MROH9: variants seen among roughly 807,000 people sequenced by gnomAD.
MROH9 encodes maestro heat-like repeat-containing protein family member 9.
In MROH9, 92 loss-of-function variants were observed where a neutral mutation model predicts 98.2. The ratio of observed to expected loss-of-function variants is 0.94; its 90% CI spans 0.79 to 1.11. The LOEUF (loss-of-function observed/expected upper bound fraction) is 1.11, where lower values mean the gene tolerates loss of function less well. Ranked by LOEUF, MROH9 falls within the 50% of genes most tolerant of loss-of-function variation. The pLI is 0.00. For synonymous variants in MROH9, 397 were observed against 368.9 expected (o/e 1.08, Z -0.87); for missense variants, 1,057 against 1,014.8 (o/e 1.04, Z -0.57).
chr1:170,968,483 C>T (rs766722579), intron 7 of MROH9, among the ~76,000 whole-genome samples: 4 of 152,134 alleles, frequency 2.6e-5, no homozygotes, highest in Non-Finnish European at 4.4e-5. Context: ...CATCAAGAGG[C>T]ATTACATCCT....
chr1:171,008,274 A>T (rs1394684276), intron 15 of MROH9, among the ~76,000 whole-genome samples: 2 of 152,176 alleles, frequency 1.3e-5, no homozygotes, highest in African/African-American at 4.8e-5. Flanking sequence ...ATAATATATA[A>T]TGGTCACAGA....
At chr1:170,952,036 A>G (rs1280478655) in intron 3 of MROH9, among the ~76,000 whole-genome samples, 1 of 152,116 alleles carries the variant, frequency 6.6e-6, no homozygotes, top group East Asian at 1.9e-4. Flanking sequence ...AATGCAAATC[A>G]AAACCATAAT....
intron 20 of MROH9, among the ~76,000 whole-genome samples, chr1:171,061,501 C>T (rs565007534): frequency 2.0e-5 from 3 of 152,208 alleles, no homozygotes; most frequent in African/African-American, 7.2e-5. Context: ...ATGATGCATT[C>T]GTAAGATGTA....
chr1:170,979,757 C>T (rs1186658003), intron 8 of MROH9, among the ~76,000 whole-genome samples: 1 of 152,042 alleles, frequency 6.6e-6, no homozygotes, highest in African/African-American at 2.4e-5. Context: ...ATTCAAAGTT[C>T]ATAAAGGACA....
chr1:171,005,496 G>A (rs1004211884), intron 15 of MROH9, among the ~76,000 whole-genome samples: 7 of 152,094 alleles, frequency 4.6e-5, no homozygotes, highest in Non-Finnish European at 1.5e-5. Flanking sequence ...CTGTAACGTT[G>A]TTGGTTAAAT....
chr1:171,053,408 G>A (rs556202283), intron 20 of MROH9, among the ~76,000 whole-genome samples: 1 of 152,274 alleles, frequency 6.6e-6, no homozygotes, highest in African/African-American at 2.4e-5. Flanking sequence ...CCCTCACAAT[G>A]AACAAAGCCT....
chr1:171,042,516 G>C (rs1344892497), intron 20 of MROH9, among the ~76,000 whole-genome samples: 1 of 152,122 alleles, frequency 6.6e-6, no homozygotes, highest in Non-Finnish European at 1.5e-5. Context: ...CAGTGGAATT[G>C]CTGGATTATA....
chr1:171,031,946 C>T (rs954030932), intron 20 of MROH9, among the ~76,000 whole-genome samples: 2 of 151,954 alleles, frequency 1.3e-5, no homozygotes, highest in Non-Finnish European at 2.9e-5. Context: ...TTTTATGAAG[C>T]TCCATATTTT....
Position 171,024,461 on chromosome 1 carries a change from T to C in MROH9, c.1975T>C (p.Tyr659His), listed in dbSNP as rs1158640886. Residue 659 changes from tyrosine to histidine, a missense_variant, in exon 18 of 22, where the codon TAC becomes CAC. Physicochemically the swap from Tyr to His is moderately conservative, Grantham distance 83. Coordinates refer to ENST00000367759, the MANE Select transcript of MROH9 (RefSeq NM_001163629.2). ...TCAATTAGTTAGGGATATGAGACAG[T>C]ACACATGGATGGTGAATGATGTGGT... ...FGQLVRDMRQ[Y>H]TWMVNDVVLE... 3.2e-6 allele frequency: 5 copies of C among 1,550,862 alleles called. No individual in the cohort carries two copies. The Admixed American group carries it at 7.9e-5, about 24-fold the overall frequency.
Position 171,064,450 on chromosome 1 carries a change from T to G in MROH9, c.*110T>G. 8.6e-7 allele frequency: 1 copy of G among 1,165,198 alleles called. No individual in the cohort carries two copies. The highest frequency in any genetic ancestry group is 1.8e-5 in the South Asian group (1 of 54,918). The allele number at this position is 1,165,198 out of a possible 1,614,324, so 72.2% of individuals were successfully genotyped here. A position where few individuals can be genotyped will look rare whatever the true frequency, so the allele number is the denominator to read the frequency against. ...TTTCTTTCCCTCCTGACAACTTGAG[T>G]CTGTTTGTAGATGCTTTTCTGAAAA... On this transcript the variant is annotated 3_prime_UTR_variant, in exon 22 of 22. Transcript: ENST00000367759.
Position 170,970,731 on chromosome 1 carries a change from T to TGTGAGAGAGAGAGA in MROH9, c.481-1016_481-1015insTGAGAGAGAGAGAG, listed in dbSNP as rs1491154307. On this transcript the variant is annotated intron_variant, in intron 7 of 21. Transcript: ENST00000367759. ...GTGTGTGTGTGTGTGTGTGTGTGTG[T>TGTGAGAGAGAGAGA]GAGAGAGAGAGAGAGAGAGAGAGAG... is the stretch of plus-strand genomic sequence containing the variant. Among the ~76,000 whole-genome samples the TGTGAGAGAGAGAGA allele has an allele frequency of 1.0e-3, 94 of 90,856 alleles. 1 individual carries two copies. The highest frequency in any genetic ancestry group is 2.6e-3 in the African/African-American group (61 of 23,154). 59.6% of individuals were successfully genotyped at this position (90,856 alleles called of 152,430 possible).
chr1:171,044,176 G>A (rs180741081), intron 20 of MROH9, among the ~76,000 whole-genome samples: 35 of 152,064 alleles, frequency 2.3e-4, no homozygotes, highest in African/African-American at 8.0e-4. Context: ...TTATCATGAA[G>A]GGATATTAAA....
intron 3 of MROH9, among the ~76,000 whole-genome samples, chr1:170,956,582 CTTTTTTTTTTTTGTTT>C (rs1649767213): frequency 3.5e-5 from 4 of 114,934 alleles, no homozygotes; most frequent in Admixed American, 2.7e-4. Flanking sequence ...TTTCTCTTTC[CTTTTTTTTTTTTGTTT>C]TTTTTTTTTT....
intron 20 of MROH9, among the ~76,000 whole-genome samples, chr1:171,058,128 CAACTTTAG>C (rs1653903501): frequency 6.6e-6 from 1 of 152,096 alleles, no homozygotes; most frequent in Non-Finnish European, 1.5e-5. Context: ...AGCTGATAAG[CAACTTTAG>C]CAAAGTGTCA....
At chr1:170,948,728 T>C (rs189485670) in intron 3 of MROH9, among the ~76,000 whole-genome samples, 9 of 152,172 alleles carry the variant, frequency 5.9e-5, no homozygotes, top group African/African-American at 2.2e-4. Context: ...ATGATAGAAG[T>C]ATATTTGGAG....
chr1:170,983,627 A>G, intron 9 of MROH9, 93 bp downstream of exon 9: 2 of 773,594 alleles, frequency 2.6e-6, no homozygotes, highest in Non-Finnish European at 4.2e-6. Flanking sequence ...TGTCGTTAGT[A>G]TTTTTTCGTT....
chr1:170,949,712 T>A (rs1382250368), intron 3 of MROH9, among the ~76,000 whole-genome samples: 1 of 152,016 alleles, frequency 6.6e-6, no homozygotes, highest in Non-Finnish European at 1.5e-5. Flanking sequence ...GACACTCTCC[T>A]AGTAAATTGA....
intron 8 of MROH9, among the ~76,000 whole-genome samples, chr1:170,979,826 A>G (rs1320701827): frequency 6.6e-6 from 1 of 152,188 alleles, no homozygotes. Flanking sequence ...ACATCATTTT[A>G]TATTTAGAAA....
At chr1:170,984,617 T>C (rs755340610) in intron 9 of MROH9, among the ~76,000 whole-genome samples, 2 of 152,186 alleles carry the variant, frequency 1.3e-5, no homozygotes, top group African/African-American at 2.4e-5. Flanking sequence ...ACCAGCAGTC[T>C]GTTGGGGCCT....
Sources: allele counts gnomAD v4.1 joint callset (sites outside exome capture counted in the v4.1 genomes callset), GRCh38; gene constraint gnomAD v4.1.1; transcripts MANE v1.5; gene names NCBI Gene and HGNC (gene_info 2026-07-23, HGNC 2026-07-21).